OSBPL6: variants seen among roughly 807,000 people sequenced by gnomAD.
The protein encoded by OSBPL6 is oxysterol binding protein like 6.
OSBPL6 carries 49 observed loss-of-function variants against 125.8 expected under a neutral mutation model. The ratio of observed to expected loss-of-function variants is 0.39; its 90% CI spans 0.31 to 0.49. The LOEUF (loss-of-function observed/expected upper bound fraction) is 0.49. OSBPL6 is among the 20% of genes least tolerant of loss of function. OSBPL6 has a pLI of 0.88. For missense variants in OSBPL6, 986 were observed against 1,135.4 expected (o/e 0.87, Z 1.89); for synonymous variants, 394 against 391.8 (o/e 1.01, Z -0.07).
intron 14 of OSBPL6, among the ~76,000 whole-genome samples, chr2:178,373,534 A>G (rs1693595433): frequency 1.3e-5 from 2 of 152,186 alleles, no homozygotes; most frequent in South Asian, 4.1e-4. Flanking sequence ...GTTTCTACGA[A>G]TATTTCTTCA....
chr2:178,385,256 A>G (rs952963622), intron 18 of OSBPL6, among the ~76,000 whole-genome samples: 5 of 152,164 alleles, frequency 3.3e-5, no homozygotes, highest in East Asian at 1.9e-4. Flanking sequence ...AGGAAGGAAG[A>G]AAGAAAGGAA....
rs1327778454 is a variant in OSBPL6, at chr2:178,398,866, T to C, written c.*3307T>C. 6.6e-6 allele frequency: 1 copy of C among 152,188 alleles called. No homozygotes were observed. Among genetic ancestry groups the C allele is most frequent in the African/African-American group, 2.4e-5 (1 of 41,446 alleles). The allele number at this position is 152,188 out of a possible 1,614,324, so 9.4% of individuals were successfully genotyped here. Reference sequence around the variant, plus strand: ...CTGGATTTAGGGAGGAAAACCTGATTAAACTGTTTTGCTTAGTACTGGTTA... The same window carrying C: ...CTGGATTTAGGGAGGAAAACCTGATCAAACTGTTTTGCTTAGTACTGGTTA... On this transcript the variant is annotated 3_prime_UTR_variant, in exon 25 of 25. Transcript: ENST00000190611.
chr2:178,270,944 C>A (rs1285876190), intron 1 of OSBPL6, among the ~76,000 whole-genome samples: 1 of 152,104 alleles, frequency 6.6e-6, no homozygotes, highest in African/African-American at 2.4e-5. Context: ...GGCTGAGTAA[C>A]CTGCCCAGGG....
intron 1 of OSBPL6, among the ~76,000 whole-genome samples, chr2:178,236,804 C>T (rs1032227361): frequency 1.3e-5 from 2 of 152,078 alleles, no homozygotes; most frequent in Non-Finnish European, 2.9e-5. Flanking sequence ...ATTTGAGACC[C>T]CAGAATTACC....
intron 1 of OSBPL6, among the ~76,000 whole-genome samples, chr2:178,280,164 C>T (rs1684009865): frequency 6.6e-6 from 1 of 151,956 alleles, no homozygotes; most frequent in Non-Finnish European, 1.5e-5. Flanking sequence ...CACCACTGTA[C>T]TCCAGCCTGG....
At chr2:178,251,431 A>G (rs969834029) in intron 1 of OSBPL6, among the ~76,000 whole-genome samples, 1 of 151,268 alleles carries the variant, frequency 6.6e-6, no homozygotes, top group Admixed American at 6.6e-5. Flanking sequence ...GTGGCATAAA[A>G]TTTCATTAAC....
intron 11 of OSBPL6, among the ~76,000 whole-genome samples, chr2:178,343,893 A>G (rs1477697686): frequency 1.3e-5 from 2 of 152,122 alleles, no homozygotes; most frequent in African/African-American, 4.8e-5. Flanking sequence ...GCCTTCCCAC[A>G]TTATTTCATC....
chr2:178,296,981 C>A (rs1426073339), intron 2 of OSBPL6, among the ~76,000 whole-genome samples: 1 of 152,144 alleles, frequency 6.6e-6, no homozygotes, highest in Non-Finnish European at 1.5e-5. Context: ...GATTCCTGAC[C>A]ATGAGATGTT....
intron 13 of OSBPL6, among the ~76,000 whole-genome samples, chr2:178,362,229 ACTTACAT>A (rs2154098840): frequency 6.6e-6 from 1 of 152,088 alleles, no homozygotes; most frequent in East Asian, 1.9e-4. Context: ...TATTTTTCCC[ACTTACAT>A]CTTAATCTGT....
chr2:178,215,748 G>T (rs1335544274), intron 1 of OSBPL6, among the ~76,000 whole-genome samples: 1 of 152,158 alleles, frequency 6.6e-6, no homozygotes, highest in East Asian at 1.9e-4. Flanking sequence ...AAAAAAAGAG[G>T]CTGGGTTCTA....
rs1574913291 is a variant in OSBPL6, at chr2:178,339,769, A to G, written c.987+5A>G. 1 of 1,590,426 alleles carries G rather than the reference A, an allele frequency of 6.3e-7. No individual in the cohort carries two copies. Among genetic ancestry groups the G allele is most frequent in the Non-Finnish European group, 8.6e-7 (1 of 1,168,930 alleles). On this transcript the variant is annotated splice_donor_5th_base_variant and intron_variant, in intron 11 of 24. Coordinates refer to ENST00000190611, the MANE Select transcript of OSBPL6 (RefSeq NM_032523.4). ...GATACAAAAATACAACTGCAGGTAC[A>G]GATTTTACTTTTCCTTCATTCACGT...
chr2:178,275,265 A>G (rs1381337461), intron 1 of OSBPL6, among the ~76,000 whole-genome samples: 1 of 152,212 alleles, frequency 6.6e-6, no homozygotes, highest in Non-Finnish European at 1.5e-5. Context: ...TAATCCCAGC[A>G]CTTTGGGAGG....
In OSBPL6 at chr2:178,203,608, G is replaced by T. The variant is rs1021930900; in HGVS notation, c.-351+8934G>T. Among the ~76,000 whole-genome samples, 44 of 152,130 alleles carry T rather than the reference G, an allele frequency of 2.9e-4. 1 individual carries two copies. The highest frequency in any genetic ancestry group is 2.9e-3 in the Admixed American group (44 of 15,278). ...GTCATATTTCCCTGCTTCTTTATGT[G>T]CCTGGTAATTTTTGATTGGATGCTA... On this transcript the variant is annotated intron_variant, in intron 1 of 24. Coordinates refer to ENST00000190611, the MANE Select transcript of OSBPL6 (RefSeq NM_032523.4).
rs945956914 is a variant in OSBPL6 at position 178,401,345 on chromosome 2, C to T, written c.*5786C>T. On this transcript the variant is annotated 3_prime_UTR_variant, in exon 25 of 25. Coordinates refer to ENST00000190611, the MANE Select transcript of OSBPL6 (RefSeq NM_032523.4). ...CAAGAATGCTGCTTTTCCAATTCTG[C>T]TAATATCCTCTCTCCCCATCTGGAA... The T allele has an allele frequency of 2.0e-5, 3 of 152,170 alleles. No individual in the cohort carries two copies. Among genetic ancestry groups the T allele is most frequent in the Non-Finnish European group, 4.4e-5 (3 of 68,038 alleles). 9.4% of individuals were successfully genotyped at this position (152,170 alleles called of 1,614,324 possible).
intron 13 of OSBPL6, 70 bp downstream of exon 13, chr2:178,361,885 T>TG (rs1692393401): frequency 7.0e-6 from 11 of 1,578,240 alleles, no homozygotes; most frequent in Non-Finnish European, 9.5e-6. Context: ...GATCAAAAGA[T>TG]GGGGGGCTGG....
At chr2:178,267,792 C>T (rs2092280375) in intron 1 of OSBPL6, among the ~76,000 whole-genome samples, 1 of 140,830 alleles carries the variant, frequency 7.1e-6, no homozygotes, top group African/African-American at 2.7e-5. Context: ...TAACTATAAG[C>T]AACATATAAA....
intron 2 of OSBPL6, among the ~76,000 whole-genome samples, chr2:178,301,903 G>T (rs1341440759): frequency 1.7e-4 from 26 of 152,152 alleles, no homozygotes; most frequent in Non-Finnish European, 4.4e-5. Flanking sequence ...AACCTTTCTT[G>T]TAAGCCTCTT....
chr2:178,336,907 A>G (rs770663063), intron 9 of OSBPL6, among the ~76,000 whole-genome samples: 2 of 152,170 alleles, frequency 1.3e-5, no homozygotes, highest in Admixed American at 6.5e-5. Flanking sequence ...GTTTCCTGAC[A>G]ACTCGGCAAT....
chr2:178,246,700 G>A (rs921945756), intron 1 of OSBPL6, among the ~76,000 whole-genome samples: 1 of 152,114 alleles, frequency 6.6e-6, no homozygotes, highest in South Asian at 2.1e-4. Context: ...AGGTCATCAG[G>A]AAACCTTGAT....
Sources: allele counts gnomAD v4.1 joint callset (sites outside exome capture counted in the v4.1 genomes callset), GRCh38; gene constraint gnomAD v4.1.1; transcripts MANE v1.5; gene names NCBI Gene and HGNC (gene_info 2026-07-23, HGNC 2026-07-21).